UCN3: variants seen among roughly 807,000 people sequenced by gnomAD.
UCN3 encodes urocortin 3, also known as urocortin-3.
UCN3 carries 3 observed loss-of-function variants against 3.6 expected under a neutral mutation model. The ratio of observed to expected loss-of-function variants is 0.83; its 90% CI spans 0.38 to 2.15. UCN3 has a LOEUF of 2.15. UCN3 is among the 30% of genes most tolerant of loss of function. The pLI is 0.06. For missense variants in UCN3, 206 were observed against 208.3 expected, an observed-to-expected ratio of 0.99 and a Z score of 0.07; for synonymous variants, 100 against 93.2, an observed-to-expected ratio of 1.07 and a Z score of -0.42.
Position 5,373,988 on chromosome 10 carries a change from GC to G in UCN3, c.270del (p.Arg91GlufsTer41), listed in dbSNP as rs1175865627. 1.5e-5 allele frequency: 24 copies of G among 1,610,496 alleles called. No homozygotes were observed. Among genetic ancestry groups the G allele is most frequent in the Non-Finnish European group, 2.0e-5 (24 of 1,178,446 alleles). On this transcript the variant is annotated frameshift_variant, in exon 2 of 2. Transcript: ENST00000380433. LOFTEE classifies it high-confidence loss of function. ...CCCCATCTCTGGGGCCAGGGGTGGAGCCAGAGGCACCCGGTACAGATACGTG... is the reference window on the plus strand; with the variant it reads ...CCCCATCTCTGGGGCCAGGGGTGGAGCAGAGGCACCCGGTACAGATACGTG... ...TFPISGARGG[A>X]RGTRYRYVSQ...
At chr10:5,373,274 C>G (rs1228984572) in intron 1 of UCN3, among the ~76,000 whole-genome samples, 1 of 152,180 alleles carries the variant, frequency 6.6e-6, no homozygotes, top group Non-Finnish European at 1.5e-5. Context: ...ATTCAGTCAG[C>G]CTTGCCAATG....
Position 5,367,874 on chromosome 10 carries a change from G to A in UCN3, c.-7+2644G>A, listed in dbSNP as rs1554810820. On this transcript the variant is annotated intron_variant, in intron 1 of 1. Transcript: ENST00000380433. The surrounding 1 kb of genome is among the most constrained non-coding windows in gnomAD (Gnocchi z 4.3). ...AGGGAGGGGTTCCCTGGGCTGGGGT[G>A]CAGGGTTTGAGTGAGGAAGCAAAAT... 6.6e-6 allele frequency among the ~76,000 whole-genome samples: 1 copy of A among 152,216 alleles called. No individual in the cohort carries two copies. The highest frequency in any genetic ancestry group is 6.5e-5 in the Admixed American group (1 of 15,286).
chr10:5,370,810 TGTGCGTGTGTGTGC>T lies in UCN3; in HGVS notation c.-6-2903_-6-2890del, dbSNP rs1245332850. ...GTGTGTATGCGTGTGTATATGTGTG[TGTGCGTGTGTGTGC>T]GCGCGTGTGTGTGCGCGTGTGTGTG... On this transcript the variant is annotated intron_variant, in intron 1 of 1. Transcript: ENST00000380433. 1.7e-3 allele frequency among the ~76,000 whole-genome samples: 220 copies of T among 130,074 alleles called. 20 individuals are homozygous for T. The highest frequency in any genetic ancestry group is 4.5e-3 in the African/African-American group (148 of 32,548). 85.3% of individuals were successfully genotyped at this position (130,074 alleles called of 152,430 possible). A position where few individuals can be genotyped will look rare whatever the true frequency, so the allele number is the denominator to read the frequency against.
intron 1 of UCN3, among the ~76,000 whole-genome samples, chr10:5,372,762 C>T (rs1831448087): frequency 6.8e-6 from 1 of 146,488 alleles, no homozygotes; most frequent in African/African-American, 2.5e-5. Context: ...ACTATGTTGC[C>T]CAAACTGCTC....
intron 1 of UCN3, among the ~76,000 whole-genome samples, chr10:5,370,053 ATGTGTGTG>A (rs150601556): frequency 7.8e-5 from 5 of 63,924 alleles, no homozygotes; most frequent in Non-Finnish European, 6.8e-5. Flanking sequence ...ATGCGTGTGT[ATGTGTGTG>A]TATATGTGTG....
chr10:5,367,969 C>G lies in UCN3; in HGVS notation c.-7+2739C>G, dbSNP rs1219316789. 2.0e-5 allele frequency among the ~76,000 whole-genome samples: 3 copies of G among 152,010 alleles called. No individual in the cohort carries two copies. The highest frequency in any genetic ancestry group is 7.2e-5 in the African/African-American group (3 of 41,382). ...CCCACAGAGGGAGGCCTGAGGGTAG[C>G]TCCAGGGTTGCATCTCAGCACCCTC... On this transcript the variant is annotated intron_variant, in intron 1 of 1. Transcript: ENST00000380433. The surrounding 1 kb of genome is among the most constrained non-coding windows in gnomAD (Gnocchi z 4.3).
chr10:5,370,838 C>CGTGTGTATGTGTGTAT (rs1831402287), intron 1 of UCN3, among the ~76,000 whole-genome samples: 1 of 35,638 alleles, frequency 2.8e-5, no homozygotes, highest in Non-Finnish European at 5.1e-5. Context: ...CGTGTGTGTG[C>CGTGTGTATGTGTGTAT]GCGTGTGTGT....
In UCN3 at chr10:5,367,254, A is replaced by G. The variant is rs189876921; in HGVS notation, c.-7+2024A>G. 5.3e-5 allele frequency among the ~76,000 whole-genome samples: 8 copies of G among 152,344 alleles called. 1 individual carries two copies. The highest frequency in any genetic ancestry group is 1.9e-4 in the African/African-American group (8 of 41,582). ...TAGACGAGGCTGTTTCATGTTCAGA[A>G]GCCCTCATCTTTCAAGTGACTCTAG... is the stretch of plus-strand genomic sequence containing the variant. On this transcript the variant is annotated intron_variant, in intron 1 of 1. Transcript: ENST00000380433. This position sits in a 1 kb window ranked among gnomAD's most constrained non-coding sequence, Gnocchi z 4.3.
chr10:5,371,244 A>G (rs1831423683), intron 1 of UCN3, among the ~76,000 whole-genome samples: 1 of 149,256 alleles, frequency 6.7e-6, no homozygotes, highest in South Asian at 2.1e-4. Context: ...GCATGTCTAT[A>G]TGTATGTGTG....
At chr10:5,370,226 CGT>C (rs1405350494) in intron 1 of UCN3, among the ~76,000 whole-genome samples, 2 of 4,064 alleles carry the variant, frequency 4.9e-4, no homozygotes, top group Admixed American at 3.6e-3. Context: ...TGTGTATGTG[CGT>C]GTGTGTATGC....
rs782223300 is a variant in UCN3 at position 5,374,148 on chromosome 10, T to C, written c.428T>C (p.Leu143Pro). Residue 143 changes from leucine to proline, a missense_variant, in exon 2 of 2, where the codon CTG (leucine) becomes CCG (proline). By Grantham distance (98) the Leu-to-Pro change is moderately conservative. Coordinates refer to ENST00000380433, the MANE Select transcript of UCN3 (RefSeq NM_053049.4). ...LLFNIAKAKN[L>P]RAQAAANAHL... ...TTCAACATCGCCAAGGCCAAGAACC[T>C]GCGTGCCCAGGCGGCCGCCAATGCC... is the stretch of plus-strand genomic sequence containing the variant. 2.2e-5 allele frequency: 36 copies of C among 1,612,270 alleles called. No individual in the cohort carries two copies. Among genetic ancestry groups the C allele is most frequent in the Admixed American group, 1.7e-4 (10 of 59,886 alleles).
intron 1 of UCN3, among the ~76,000 whole-genome samples, chr10:5,369,357 G>T (rs1467648037): frequency 6.6e-6 from 1 of 152,176 alleles, no homozygotes; most frequent in African/African-American, 2.4e-5. Context: ...TTCAGGTGTG[G>T]GTCAGCCTTG....
Position 5,373,754 on chromosome 10 carries a change from C to A in UCN3, c.34C>A (p.Leu12Met). ...LMPVHFLLLLLLLLGGPRTGL... is the reference protein window; with the variant it reads ...LMPVHFLLLLMLLLGGPRTGL... ...GCCGGTCCACTTCCTGCTGCTCCTG[C>A]TGCTGCTCCTGGGGGGCCCCAGGAC... is the stretch of plus-strand genomic sequence containing the variant. Residue 12 changes from leucine to methionine, a missense_variant, in exon 2 of 2, where the codon CTG becomes ATG. Physicochemically the swap from Leu to Met is conservative, Grantham distance 15. Transcript: ENST00000380433. 6.2e-7 allele frequency: 1 copy of A among 1,613,898 alleles called. No individual in the cohort carries two copies. The highest frequency in any genetic ancestry group is 8.5e-7 in the Non-Finnish European group (1 of 1,179,896).
chr10:5,371,278 T>C (rs113140353), intron 1 of UCN3, among the ~76,000 whole-genome samples: 46,320 of 151,014 alleles, frequency 0.31, 7,854 homozygotes, highest in South Asian at 0.52. Context: ...TGTATGTGCA[T>C]GTATATATGT....
At position 5,374,481 on chromosome 10, in the gene UCN3, C is replaced by A. The variant is rs1410907158; in HGVS notation, c.*275C>A. 3 of 369,448 alleles carry A rather than the reference C, an allele frequency of 8.1e-6. No homozygotes were observed. Among genetic ancestry groups the A allele is most frequent in the East Asian group, 5.6e-5 (1 of 17,914 alleles). The allele number at this position is 369,448 out of a possible 1,614,324, so 22.9% of individuals were successfully genotyped here. A position where few individuals can be genotyped will look rare whatever the true frequency, so the allele number is the denominator to read the frequency against. On this transcript the variant is annotated 3_prime_UTR_variant, in exon 2 of 2. Coordinates refer to ENST00000380433, the MANE Select transcript of UCN3 (RefSeq NM_053049.4). ...ACGTTCCTCCCTGTACTCAGCGTCT[C>A]CTTCCTCCCTCCCCACAGCAAGAGG...
In UCN3 at chr10:5,373,982, G is replaced by A; in HGVS notation, c.262G>A (p.Gly88Ser). The change falls in exon 2 of 2, where the codon GGT becomes AGT. Residue 88 changes from glycine (G) to serine (S), a missense_variant. By Grantham distance (56) the Gly-to-Ser change is moderately conservative. Transcript: ENST00000380433. ...KKTFPISGAR[G>S]GARGTRYRYV... ...GACTTTCCCCATCTCTGGGGCCAGG[G>A]GTGGAGCCAGAGGCACCCGGTACAG... 6.2e-7 allele frequency: 1 copy of A among 1,610,536 alleles called. No homozygotes were observed. The highest frequency in any genetic ancestry group is 1.1e-5 in the South Asian group (1 of 90,494).
At chr10:5,370,805 G>A (rs1165607878) in intron 1 of UCN3, among the ~76,000 whole-genome samples, 1 of 128,246 alleles carries the variant, frequency 7.8e-6, no homozygotes, top group Admixed American at 8.0e-5. Context: ...GTGTGTATAT[G>A]TGTGTGTGCG....
rs782154323 is a variant in UCN3, at chr10:5,366,935, T to A, written c.-7+1705T>A. On this transcript the variant is annotated intron_variant, in intron 1 of 1. Transcript: ENST00000380433. The surrounding 1 kb of genome is among the most constrained non-coding windows in gnomAD (Gnocchi z 4.2). ...CTTGCTCCCTGACACTTTCACAGATTTTTCCACACCTTCAGCACCCTAGCC... is the reference window on the plus strand; with the variant it reads ...CTTGCTCCCTGACACTTTCACAGATATTTCCACACCTTCAGCACCCTAGCC... Among the ~76,000 whole-genome samples, 33 of 152,164 alleles carry A rather than the reference T, an allele frequency of 2.2e-4. No individual in the cohort carries two copies. Among genetic ancestry groups the A allele is most frequent in the Non-Finnish European group, 4.6e-4 (31 of 68,036 alleles).
chr10:5,370,955 GGT>G (rs201698933), intron 1 of UCN3, among the ~76,000 whole-genome samples: 29,157 of 109,320 alleles, frequency 0.27, 4,545 homozygotes, highest in South Asian at 0.4. Context: ...ATGTGTGTAA[GGT>G]GTGTGTGTGT....
Sources: gnomAD v4.1 joint callset for allele counts (sites outside exome capture counted in the v4.1 genomes callset) on GRCh38, gnomAD v4.1.1 for gene constraint, Gnocchi (gnomAD v3.1) non-coding constraint, MANE v1.5 for transcripts, NCBI Gene and HGNC (gene_info 2026-07-23, HGNC 2026-07-21) for gene names.